The following RASA3 variants were observed in gnomAD, a reference collection of about 807,000 sequenced individuals.
RASA3 encodes RAS p21 protein activator 3.
Under a neutral mutation model 110.0 loss-of-function variants are expected in RASA3, and 73 were observed. That is an observed-to-expected ratio of 0.66 (90% CI 0.55 to 0.81). The LOEUF (loss-of-function observed/expected upper bound fraction) is 0.81. Among genes scored for constraint, RASA3 ranks in the 30% least tolerant of loss-of-function variants. The probability of loss-of-function intolerance (pLI) is 0.00; values close to 1 mark genes in which losing one functional copy is unlikely to be tolerated. For missense variants in RASA3, 976 were observed against 1,113.2 expected, an observed-to-expected ratio of 0.88 and a Z score of 1.75; for synonymous variants, 500 against 451.4, an observed-to-expected ratio of 1.11 and a Z score of -1.37.
Position 114,112,565 on chromosome 13 carries a change from C to T in RASA3, c.55+19870G>A, listed in dbSNP as rs934490866. On this transcript the variant is annotated intron_variant, in intron 1 of 23. Coordinates refer to ENST00000334062, the MANE Select transcript of RASA3 (RefSeq NM_007368.4). This position sits in a 1 kb window ranked among gnomAD's most constrained non-coding sequence, Gnocchi z 4.8. ...CGGCCTGCCTCGAGCACTTCACACG[C>T]GTGCCCGGGGATGCTGGTGCTGCAG... Among the ~76,000 whole-genome samples, 1 of 152,114 alleles carries T rather than the reference C, an allele frequency of 6.6e-6. No homozygotes were observed. The highest frequency in any genetic ancestry group is 1.5e-5 in the Non-Finnish European group (1 of 68,006).
intron 3 of RASA3, among the ~76,000 whole-genome samples, chr13:114,051,418 C>A (rs1446865198): frequency 6.6e-6 from 1 of 152,250 alleles, no homozygotes. Flanking sequence ...GGTCCTCTGG[C>A]TGCATTTAGG....
chr13:113,995,304 G>T (rs555073345), intron 21 of RASA3, among the ~76,000 whole-genome samples: 1 of 152,370 alleles, frequency 6.6e-6, no homozygotes, highest in Non-Finnish European at 1.5e-5. Context: ...GGGATTCTGG[G>T]GCGGTGGCCA....
At chr13:114,076,005 G>A (rs1235536100) in intron 1 of RASA3, among the ~76,000 whole-genome samples, 2 of 151,746 alleles carry the variant, frequency 1.3e-5, no homozygotes, top group African/African-American at 2.4e-5. Flanking sequence ...TCGGCGCCGC[G>A]TATCTCTGCG....
At chr13:114,092,584 T>C (rs1372945762) in intron 1 of RASA3, among the ~76,000 whole-genome samples, 2 of 152,234 alleles carry the variant, frequency 1.3e-5, no homozygotes, top group Non-Finnish European at 1.5e-5. Flanking sequence ...AGCTAACCTA[T>C]AGTCTATCCT....
At chr13:114,097,877 T>A (rs1050602288) in intron 1 of RASA3, among the ~76,000 whole-genome samples, 1 of 152,062 alleles carries the variant, frequency 6.6e-6, no homozygotes, top group Non-Finnish European at 1.5e-5. Flanking sequence ...TGGGGTCTTG[T>A]CTCATTCGTG....
Position 113,996,598 on chromosome 13 carries a change from G to C in RASA3, c.2074C>G (p.Leu692Val), listed in dbSNP as rs1192623186. The stretch of plus-strand genomic sequence containing the variant: ...CTACAGCACAGCCAGTGGCCGCTCA[G>C]GTAGGCGGACGGGTGGTAGACGGTG... ...RLTVYHPSAY[L>V]SGHWLCCRAP... The change falls in exon 21 of 24, where the codon CTG (leucine) becomes GTG (valine). Residue 692 changes from leucine (L) to valine (V), a missense_variant. By Grantham distance (32) the Leu-to-Val change is conservative. This residue lies in a region of RASA3 where 109 missense variants were observed against 162.5 expected (regional missense o/e 0.67). Transcript: ENST00000334062. 6.2e-7 allele frequency: 1 copy of C among 1,613,528 alleles called. No homozygotes were observed. The highest frequency in any genetic ancestry group is 8.5e-7 in the Non-Finnish European group (1 of 1,180,044).
chr13:114,037,125 C>G (rs1179246590), intron 4 of RASA3, among the ~76,000 whole-genome samples: 1 of 152,182 alleles, frequency 6.6e-6, no homozygotes, highest in Non-Finnish European at 1.5e-5. Context: ...GGGTACGCAG[C>G]CTCGGGCGTT....
chr13:114,130,717 C>T lies in RASA3; in HGVS notation c.55+1718G>A, dbSNP rs1302022444. Among the ~76,000 whole-genome samples, 5 of 152,228 alleles carry T rather than the reference C, an allele frequency of 3.3e-5. No homozygotes were observed. In the East Asian group the frequency reaches 7.7e-4, roughly 23 times the overall value. ...GTGTAGCCCTTCCTGGAGTACACAG[C>T]GAGCATGCTGTGCCGGCTGTGGGCC... is the stretch of plus-strand genomic sequence containing the variant. On this transcript the variant is annotated intron_variant, in intron 1 of 23. Coordinates refer to ENST00000334062, the MANE Select transcript of RASA3 (RefSeq NM_007368.4).
At chr13:114,098,101 T>A (rs555634054) in intron 1 of RASA3, among the ~76,000 whole-genome samples, 3 of 151,926 alleles carry the variant, frequency 2.0e-5, no homozygotes, top group Admixed American at 6.5e-5. Flanking sequence ...GAGGCCCAAG[T>A]GGACCCCAGG....
intron 2 of RASA3, among the ~76,000 whole-genome samples, chr13:114,059,970 CT>C (rs1298184046): frequency 6.6e-6 from 1 of 152,244 alleles, no homozygotes; most frequent in African/African-American, 2.4e-5. Context: ...GCACTGTGGC[CT>C]CGCTCGGGGG....
At chr13:114,019,627 CCT>C (rs1208491242) in intron 9 of RASA3, among the ~76,000 whole-genome samples, 4 of 151,122 alleles carry the variant, frequency 2.6e-5, no homozygotes, top group Non-Finnish European at 5.9e-5. Context: ...CATTAGCACC[CCT>C]GTCAGGTAGG....
At chr13:114,053,749 G>C (rs982829394) in intron 2 of RASA3, among the ~76,000 whole-genome samples, 1 of 152,220 alleles carries the variant, frequency 6.6e-6, no homozygotes, top group African/African-American at 2.4e-5. Context: ...AAAAGCACAA[G>C]TGCCAAAAGA....
At chr13:114,106,831 C>T (rs1408348278) in intron 1 of RASA3, among the ~76,000 whole-genome samples, 3 of 152,228 alleles carry the variant, frequency 2.0e-5, no homozygotes, top group Non-Finnish European at 4.4e-5. Context: ...CTATATGCTG[C>T]GTCCCATTTA....
intron 5 of RASA3, among the ~76,000 whole-genome samples, chr13:114,029,209 G>A (rs372616581): frequency 1.0e-4 from 2 of 19,578 alleles, no homozygotes; most frequent in African/African-American, 5.8e-4. Context: ...CTAAAACGGC[G>A]TCATCCTGGG....
At chr13:114,105,592 C>T (rs1247879153) in intron 1 of RASA3, among the ~76,000 whole-genome samples, 1 of 152,200 alleles carries the variant, frequency 6.6e-6, no homozygotes, top group African/African-American at 2.4e-5. Flanking sequence ...AGGCCACAGG[C>T]ACATCCGGGG....
intron 21 of RASA3, among the ~76,000 whole-genome samples, chr13:113,993,025 G>A (rs1389224459): frequency 6.6e-6 from 1 of 152,204 alleles, no homozygotes; most frequent in East Asian, 1.9e-4. Flanking sequence ...AAGACTAGGT[G>A]CTAAAATCCC....
chr13:114,000,473 A>T (rs2053368655), intron 19 of RASA3, among the ~76,000 whole-genome samples: 1 of 152,148 alleles, frequency 6.6e-6, no homozygotes. Context: ...GAGGGGCAGG[A>T]GGTGGTGGGA....
At chr13:114,007,882 C>CT (rs1470402612) in intron 17 of RASA3, among the ~76,000 whole-genome samples, 2 of 152,254 alleles carry the variant, frequency 1.3e-5, no homozygotes, top group Non-Finnish European at 2.9e-5. Flanking sequence ...AGGGGTGACT[C>CT]TAAGCAGGGA....
At chr13:114,000,002 G>A (rs1230522581) in intron 19 of RASA3, among the ~76,000 whole-genome samples, 1 of 91,862 alleles carries the variant, frequency 1.1e-5, no homozygotes, top group African/African-American at 4.3e-5. Context: ...GATCTCTACC[G>A]GGGGGTCTCT....
Sources: allele counts gnomAD v4.1 joint callset (sites outside exome capture counted in the v4.1 genomes callset), GRCh38; gene constraint gnomAD v4.1.1; regional missense constraint gnomAD v4.1.1; non-coding constraint Gnocchi (gnomAD v3.1); transcripts MANE v1.5; gene names NCBI Gene and HGNC (gene_info 2026-07-23, HGNC 2026-07-21).